Variants in SPNS2 observed in about 807,000 individuals in gnomAD.
SPNS2 encodes the protein sphingosine-1-phosphate transporter SPNS2.
Under a neutral mutation model 57.6 loss-of-function variants are expected in SPNS2, and 37 were observed. The observed-to-expected ratio is 0.64, with a 90% CI of 0.49 to 0.85. The LOEUF (loss-of-function observed/expected upper bound fraction) is 0.85, where lower values mean the gene tolerates loss of function less well. Among genes scored for constraint, SPNS2 ranks in the 40% least tolerant of loss-of-function variants. The pLI, the probability that SPNS2 is intolerant of heterozygous loss-of-function variation, is 0.00. For synonymous variants in SPNS2, 440 were observed against 346.9 expected (o/e 1.27, Z -2.98); for missense variants, 831 against 779.1 (o/e 1.07, Z -0.79).
At chr17:4,502,888 C>T (rs751151703) in intron 1 of SPNS2, among the ~76,000 whole-genome samples, 6 of 152,194 alleles carry the variant, frequency 3.9e-5, no homozygotes, top group Non-Finnish European at 8.8e-5. Flanking sequence ...TGGTCTCCAT[C>T]CTGGGAACTC....
intron 2 of SPNS2, among the ~76,000 whole-genome samples, chr17:4,520,468 A>C (rs1340669766): frequency 1.3e-5 from 2 of 152,062 alleles, no homozygotes; most frequent in East Asian, 3.9e-4. Flanking sequence ...GGCTTTTTCA[A>C]GGATCCTACC....
At chr17:4,501,054 T>C (rs1904491150) in intron 1 of SPNS2, among the ~76,000 whole-genome samples, 1 of 152,138 alleles carries the variant, frequency 6.6e-6, no homozygotes, top group Non-Finnish European at 1.5e-5. Context: ...GGACCTGTAG[T>C]CAGTTCACAA....
At chr17:4,536,817 CCCA>C (rs1905846191) in intron 11 of SPNS2, 80 bp from the exon 12 acceptor site, 1 of 1,191,188 alleles carries the variant, frequency 8.4e-7, no homozygotes, top group Non-Finnish European at 1.2e-6. Context: ...TCAGCTGGCC[CCCA>C]CGACACGATG....
chr17:4,527,042 A>G (rs1763225531), intron 3 of SPNS2, among the ~76,000 whole-genome samples: 2 of 152,204 alleles, frequency 1.3e-5, no homozygotes, highest in South Asian at 4.1e-4. Flanking sequence ...TAAGTCTAGG[A>G]CCACCATGCC....
At chr17:4,503,897 C>T (rs992441287) in intron 1 of SPNS2, among the ~76,000 whole-genome samples, 1 of 151,744 alleles carries the variant, frequency 6.6e-6, no homozygotes, top group Non-Finnish European at 1.5e-5. Context: ...GAACACAAGC[C>T]GAGAGGGACT....
At chr17:4,533,505 C>A in intron 8 of SPNS2, 73 bp downstream of exon 8, 1 of 1,443,846 alleles carries the variant, frequency 6.9e-7, no homozygotes, top group Non-Finnish European at 9.3e-7. Context: ...ACAGGACATT[C>A]GGTCTGACTT....
intron 2 of SPNS2, among the ~76,000 whole-genome samples, chr17:4,521,046 C>T (rs1458178139): frequency 2.0e-5 from 3 of 152,190 alleles, no homozygotes; most frequent in Non-Finnish European, 2.9e-5. Flanking sequence ...AACTCCTATG[C>T]ATGCTTCAGT....
intron 2 of SPNS2, among the ~76,000 whole-genome samples, chr17:4,516,903 T>TA (rs1445574142): frequency 6.6e-6 from 1 of 152,178 alleles, no homozygotes; most frequent in African/African-American, 2.4e-5. Context: ...CGAAGCTTGT[T>TA]ACGGTATTTT....
At position 4,538,096 on chromosome 17, in the gene SPNS2, G is replaced by A. The variant is rs916288370; in HGVS notation, c.*648G>A. 3.0e-5 allele frequency: 10 copies of A among 334,748 alleles called. No homozygotes were observed. The highest frequency in any genetic ancestry group is 4.3e-5 in the African/African-American group (2 of 46,460). The allele number at this position is 334,748 out of a possible 1,614,324, so 20.7% of individuals were successfully genotyped here. ...ACTGTCTCGGGTTGGCTCCCAGCCT[G>A]GAGGTCCCAGATGGGGACTGTTCTG... On this transcript the variant is annotated 3_prime_UTR_variant, in exon 13 of 13. Coordinates refer to ENST00000329078, the MANE Select transcript of SPNS2 (RefSeq NM_001124758.3).
At chr17:4,529,189 C>T (rs528490408) in intron 3 of SPNS2, among the ~76,000 whole-genome samples, 1 of 151,562 alleles carries the variant, frequency 6.6e-6, no homozygotes, top group African/African-American at 2.4e-5. Flanking sequence ...CCGACTCAGC[C>T]TCCCAAAGTG....
intron 1 of SPNS2, among the ~76,000 whole-genome samples, chr17:4,507,368 T>C (rs981972190): frequency 3.9e-5 from 6 of 152,368 alleles, no homozygotes; most frequent in African/African-American, 1.4e-4. Flanking sequence ...GAATGCCCCA[T>C]TGTTCTCAGG....
intron 1 of SPNS2, among the ~76,000 whole-genome samples, chr17:4,504,093 G>T (rs1428896826): frequency 6.6e-6 from 1 of 151,880 alleles, no homozygotes; most frequent in Non-Finnish European, 1.5e-5. Context: ...GCTAAGCCAG[G>T]CCCTGTCTTG....
At chr17:4,535,128 T>G (rs966387673) in intron 9 of SPNS2, among the ~76,000 whole-genome samples, 2 of 152,266 alleles carry the variant, frequency 1.3e-5, no homozygotes, top group East Asian at 1.9e-4. Context: ...GAACAGGGGC[T>G]GCCTGGGCAC....
In SPNS2 at chr17:4,536,276, T is replaced by C. The variant is rs1161568392; in HGVS notation, c.1457T>C (p.Ile486Thr). The C allele has an allele frequency of 1.2e-6, 2 of 1,612,334 alleles. No homozygotes were observed. Among genetic ancestry groups the C allele is most frequent in the African/African-American group, 2.7e-5 (2 of 74,888 alleles). ...AAATCCTCGCAGATCTCAGACCTGA[T>C]CCGCCAGAGCACTAAGGACTCCCCG... Reference protein sequence around the residue: ...PYLIGFISDLIRQSTKDSPLW... With the variant: ...PYLIGFISDLTRQSTKDSPLW... The change falls in exon 11 of 13, where the codon ATC (isoleucine) becomes ACC (threonine). Residue 486 changes from isoleucine to threonine, a missense_variant. By Grantham distance (89) the Ile-to-Thr change is moderately conservative (BLOSUM62 -1). Around this residue, in one of 2 missense-constraint regions of SPNS2, gnomAD observed 526 missense variants for 400.9 expected, o/e 1.31. Transcript: ENST00000329078.
rs887473426 is a variant in SPNS2 at position 4,538,807 on chromosome 17, G to C, written c.*1359G>C. On this transcript the variant is annotated 3_prime_UTR_variant, in exon 13 of 13. Coordinates refer to ENST00000329078, the MANE Select transcript of SPNS2 (RefSeq NM_001124758.3). Reference sequence around the variant, plus strand: ...CGAGGGCCTGACAAGAGGATGGGGTGGGGGTGGCATCCTCCAAAGACCAGC... The same window carrying C: ...CGAGGGCCTGACAAGAGGATGGGGTCGGGGTGGCATCCTCCAAAGACCAGC... 3.9e-6 allele frequency: 3 copies of C among 765,004 alleles called. No homozygotes were observed. The highest frequency in any genetic ancestry group is 1.7e-5 in the African/African-American group (1 of 58,140). The allele number at this position is 765,004 out of a possible 1,614,324, so 47.4% of individuals were successfully genotyped here. A position where few individuals can be genotyped will look rare whatever the true frequency, so the allele number is the denominator to read the frequency against.
In SPNS2 at chr17:4,537,664, G is replaced by A. The variant is rs1905933012; in HGVS notation, c.*216G>A. ...AGGATGTGTGTGTTGGAGCCACACG[G>A]TTGGACAGGTTCCCAGCCCTAGGTT... is the stretch of plus-strand genomic sequence containing the variant. On this transcript the variant is annotated 3_prime_UTR_variant, in exon 13 of 13. Transcript: ENST00000329078. 4.4e-6 allele frequency: 2 copies of A among 456,790 alleles called. No individual in the cohort carries two copies. The highest frequency in any genetic ancestry group is 8.8e-6 in the Non-Finnish European group (2 of 226,974). The allele number at this position is 456,790 out of a possible 1,614,324, so 28.3% of individuals were successfully genotyped here.
At position 4,533,403 on chromosome 17, in the gene SPNS2, G is replaced by A. The variant is rs149615209; in HGVS notation, c.1249G>A (p.Ala417Thr). ...CATCTTCATCTGCCTGATCTTCGTG[G>A]CTGCCAAGAGCAGCATCGTAGGAGC... ...SAIFICLIFVAAKSSIVGAYI... is the reference protein window; with the variant it reads ...SAIFICLIFVTAKSSIVGAYI... The change falls in exon 8 of 13, where the codon GCT becomes ACT. Residue 417 changes from alanine (A) to threonine (T), a missense_variant. Transcript: ENST00000329078. 1.1e-3 allele frequency: 1,733 copies of A among 1,608,012 alleles called. 8 individuals are homozygous for A. Among genetic ancestry groups the A allele is most frequent in the Middle Eastern group, 7.3e-3 (44 of 6,050 alleles).
intron 2 of SPNS2, among the ~76,000 whole-genome samples, chr17:4,516,333 A>AC (rs1243287232): frequency 2.5e-4 from 31 of 126,098 alleles, no homozygotes; most frequent in Admixed American, 9.7e-4. Context: ...AAAAAAAAAA[A>AC]AAAAAAAAAA....
At position 4,510,682 on chromosome 17, in the gene SPNS2, G is replaced by A. The variant is rs996930706; in HGVS notation, c.371-2565G>A. The stretch of plus-strand genomic sequence containing the variant: ...GACCCTCCTGCCTCCTCCTGACTCC[G>A]CCCATCCTCTTGTCCACCCGACACC... On this transcript the variant is annotated intron_variant, in intron 1 of 12. Transcript: ENST00000329078. The surrounding 1 kb of genome is among the most constrained non-coding windows in gnomAD (Gnocchi z 4.4). 3.3e-5 allele frequency among the ~76,000 whole-genome samples: 5 copies of A among 152,088 alleles called. No individual in the cohort carries two copies. The highest frequency in any genetic ancestry group is 5.9e-5 in the Non-Finnish European group (4 of 68,014).
Sources: gnomAD v4.1 joint callset for allele counts (sites outside exome capture counted in the v4.1 genomes callset) on GRCh38, gnomAD v4.1.1 for gene constraint, gnomAD v4.1.1 regional missense constraint, Gnocchi (gnomAD v3.1) non-coding constraint, MANE v1.5 for transcripts, NCBI Gene and HGNC (gene_info 2026-07-23, HGNC 2026-07-21) for gene names.